The following SEMA4B variants were observed in gnomAD, a reference collection of about 807,000 sequenced individuals.
The protein encoded by SEMA4B is semaphorin 4B.
Under a neutral mutation model 88.1 loss-of-function variants are expected in SEMA4B, and 55 were observed. The observed-to-expected ratio is 0.62, with a 90% CI of 0.50 to 0.78. The LOEUF (loss-of-function observed/expected upper bound fraction) is 0.78, where lower values mean the gene tolerates loss of function less well. Among genes scored for constraint, SEMA4B ranks in the 30% least tolerant of loss-of-function variants. The pLI is 0.00. For missense variants in SEMA4B, 1,062 were observed against 1,111.9 expected, an observed-to-expected ratio of 0.96 and a Z score of 0.64; for synonymous variants, 525 against 473.6, an observed-to-expected ratio of 1.11 and a Z score of -1.41.
chr15:90,202,205 C>T (rs1960780041), intron 1 of SEMA4B, among the ~76,000 whole-genome samples: 1 of 152,278 alleles, frequency 6.6e-6, no homozygotes, highest in Non-Finnish European at 1.5e-5. Flanking sequence ...GATCCTCCCT[C>T]TCCGCCCCTC....
chr15:90,225,195 C>A lies in SEMA4B; in HGVS notation c.1405+17C>A. ...TGGGCACTGGTAAGTGTCTGCAGCC[C>A]AGCAGGCTCAGGGGAAGGGGTGCAC... On this transcript the variant is annotated intron_variant, in intron 10 of 13. Coordinates refer to ENST00000411539, the MANE Select transcript of SEMA4B (RefSeq NM_198925.4). The A allele has an allele frequency of 1.9e-6, 3 of 1,575,988 alleles. 1 individual carries two copies. The highest frequency in any genetic ancestry group is 2.3e-5 in the South Asian group (2 of 87,356).
Position 90,225,100 on chromosome 15 carries a change from C to T in SEMA4B, c.1327C>T (p.Gln443Ter). Residue 443 changes from glutamine (Q) to a stop codon, truncating the protein, a stop_gained, in exon 10 of 14, where the codon CAG becomes TAG. Coordinates refer to ENST00000411539, the MANE Select transcript of SEMA4B (RefSeq NM_198925.4). LOFTEE classifies it high-confidence loss of function. The stretch of plus-strand genomic sequence containing the variant: ...AAGCCGCATGCTGCTGCTGCAGCCC[C>T]AGGCTCGCTACCAGCGCGTGGCTGT... ...VRSRMLLLQP[Q>*]ARYQRVAVHR... The T allele has an allele frequency of 6.2e-7, 1 of 1,613,750 alleles. No individual in the cohort carries two copies. Among genetic ancestry groups the T allele is most frequent in the Non-Finnish European group, 8.5e-7 (1 of 1,179,864 alleles).
chr15:90,223,868 CT>C lies in SEMA4B; in HGVS notation c.1075del (p.Cys359ValfsTer5), dbSNP rs1961999757. 1 of 1,613,874 alleles carries C rather than the reference CT, an allele frequency of 6.2e-7. No homozygotes were observed. The highest frequency in any genetic ancestry group is 1.1e-5 in the South Asian group (1 of 91,092). ...HRGTTEGSAVCVFTMKDVQRV... is the reference protein window; with the variant it reads ...HRGTTEGSAVXVFTMKDVQRV... Reference sequence around the variant, plus strand: ...GGGGAACTACAGAAGGCTCTGCCGTCTGTGTCTTCACAATGAAGGATGTGCA... The same window carrying C: ...GGGGAACTACAGAAGGCTCTGCCGTCGTGTCTTCACAATGAAGGATGTGCA... On this transcript the variant is annotated frameshift_variant, in exon 9 of 14. Transcript: ENST00000411539. LOFTEE classifies it high-confidence loss of function.
rs187732853 is a variant in SEMA4B, at chr15:90,228,879, G to C, written c.*236G>C. Reference sequence around the variant, plus strand: ...CTGGCCAAATATGGGGGCCTGCCTAGGTTGGTGGAACAGTGCTCCTTATGT... The same window carrying C: ...CTGGCCAAATATGGGGGCCTGCCTACGTTGGTGGAACAGTGCTCCTTATGT... On this transcript the variant is annotated 3_prime_UTR_variant, in exon 14 of 14. Transcript: ENST00000411539. 1.1e-4 allele frequency: 63 copies of C among 595,524 alleles called. No individual in the cohort carries two copies. Among genetic ancestry groups the C allele is most frequent in the African/African-American group, 9.5e-4 (51 of 53,778 alleles). The allele number at this position is 595,524 out of a possible 1,614,324, so 36.9% of individuals were successfully genotyped here. A position where few individuals can be genotyped will look rare whatever the true frequency, so the allele number is the denominator to read the frequency against.
Position 90,223,820 on chromosome 15 carries a change from T to G in SEMA4B, c.1044-18T>G. 1 of 1,612,508 alleles carries G rather than the reference T, an allele frequency of 6.2e-7. No homozygotes were observed. Among genetic ancestry groups the G allele is most frequent in the Non-Finnish European group, 8.5e-7 (1 of 1,178,704 alleles). ...GGCCCCCAGGGCTCCTGGGTTAATCTGGTTATTTCCTCTGCAGGCACAGGG... is the reference window on the plus strand; with the variant it reads ...GGCCCCCAGGGCTCCTGGGTTAATCGGGTTATTTCCTCTGCAGGCACAGGG... On this transcript the variant is annotated intron_variant, in intron 8 of 13. Transcript: ENST00000411539.
intron 12 of SEMA4B, among the ~76,000 whole-genome samples, chr15:90,226,422 C>G (rs1199829093): frequency 1.3e-5 from 2 of 152,182 alleles, no homozygotes; most frequent in African/African-American, 2.4e-5. Context: ...TTCACTGCAA[C>G]CTCCACGTCC....
intron 1 of SEMA4B, among the ~76,000 whole-genome samples, chr15:90,206,313 C>G (rs960388854): frequency 2.6e-5 from 4 of 152,182 alleles, no homozygotes; most frequent in African/African-American, 9.7e-5. Context: ...GTGGTCGAGG[C>G]CTGCCTTCCC....
rs901709266 is a variant in SEMA4B, at chr15:90,221,241, C to T, written c.596-126C>T. The T allele has an allele frequency of 2.6e-6, 3 of 1,148,664 alleles. No individual in the cohort carries two copies. In the East Asian group the frequency reaches 7.7e-5, roughly 30 times the overall value. 71.2% of individuals were successfully genotyped at this position (1,148,664 alleles called of 1,614,324 possible). On this transcript the variant is annotated intron_variant, in intron 5 of 13. Coordinates refer to ENST00000411539, the MANE Select transcript of SEMA4B (RefSeq NM_198925.4). The stretch of plus-strand genomic sequence containing the variant: ...GGGCTTGCCTTGGGTTTGGTTTTTC[C>T]AAGTTCCAGCTTCCTTCTCTGCCCA...
intron 11 of SEMA4B, 64 bp downstream of exon 11, chr15:90,225,461 A>G (rs761853661): frequency 1.4e-6 from 2 of 1,433,602 alleles, no homozygotes; most frequent in East Asian, 2.5e-5. Context: ...AGCACCAAGC[A>G]GTCCCCACCC....
Position 90,221,010 on chromosome 15 carries a change from A to G in SEMA4B, c.512A>G (p.Asp171Gly). 2 of 1,610,064 alleles carry G rather than the reference A, an allele frequency of 1.2e-6. No individual in the cohort carries two copies. The highest frequency in any genetic ancestry group is 1.7e-6 in the Non-Finnish European group (2 of 1,178,236). Residue 171 changes from aspartate to glycine, a missense_variant, in exon 5 of 14, where the codon GAC becomes GGC. Transcript: ENST00000411539. Reference protein sequence around the residue: ...INMENFTLARDEKGNVLLEDG... With the variant: ...INMENFTLARGEKGNVLLEDG... Reference sequence around the variant, plus strand: ...ATGGAGAACTTCACCCTGGCAAGGGACGAGAAGGGGAATGTCCTCCTGGAA... The same window carrying G: ...ATGGAGAACTTCACCCTGGCAAGGGGCGAGAAGGGGAATGTCCTCCTGGAA...
chr15:90,214,346 A>G (rs1183751378), intron 1 of SEMA4B, among the ~76,000 whole-genome samples: 3 of 120,746 alleles, frequency 2.5e-5, no homozygotes, highest in Non-Finnish European at 3.4e-5. Flanking sequence ...AAAAAAAAAA[A>G]GGGCTGAGCT....
chr15:90,191,173 A>C (rs1960332526), intron 1 of SEMA4B, among the ~76,000 whole-genome samples: 1 of 152,188 alleles, frequency 6.6e-6, no homozygotes, highest in African/African-American at 2.4e-5. Flanking sequence ...CCTCCCAGGG[A>C]GTGGCCAGCT....
intron 1 of SEMA4B, among the ~76,000 whole-genome samples, chr15:90,211,428 C>T (rs1288677601): frequency 1.3e-5 from 2 of 152,310 alleles, no homozygotes; most frequent in African/African-American, 4.8e-5. Flanking sequence ...ACCCTTGGCA[C>T]ACAATACCCC....
chr15:90,201,405 G>T lies in SEMA4B; in HGVS notation c.-174G>T. On this transcript the variant is annotated 5_prime_UTR_variant, in exon 1 of 14. Coordinates refer to ENST00000411539, the MANE Select transcript of SEMA4B (RefSeq NM_198925.4). ...GGAGGACTGCGGTGCCCCGCGGAGG[G>T]GCTGAGTTTGCCAGGGCCCACTTGA... The T allele has an allele frequency of 7.8e-7, 1 of 1,283,302 alleles. No homozygotes were observed. The highest frequency in any genetic ancestry group is 9.8e-7 in the Non-Finnish European group (1 of 1,017,214). The allele number at this position is 1,283,302 out of a possible 1,614,324, so 79.5% of individuals were successfully genotyped here.
At chr15:90,185,300 C>T (rs1434964849) in intron 1 of SEMA4B, among the ~76,000 whole-genome samples, 2 of 152,234 alleles carry the variant, frequency 1.3e-5, no homozygotes, top group Non-Finnish European at 2.9e-5. Context: ...CCCGCGTTCC[C>T]ATGGCCACCG....
Position 90,223,760 on chromosome 15 carries a change from C to A in SEMA4B, c.1043+20C>A. ...CCAGTGGTAGGGCCTCCAGACCTCG[C>A]TGGAGATGGAAGGGTGAAGGGTGGC... On this transcript the variant is annotated intron_variant, in intron 8 of 13. Transcript: ENST00000411539. 6.2e-7 allele frequency: 1 copy of A among 1,603,296 alleles called. No individual in the cohort carries two copies. Among genetic ancestry groups the A allele is most frequent in the Non-Finnish European group, 8.5e-7 (1 of 1,171,736 alleles).
upstream of SEMA4B, among the ~76,000 whole-genome samples, chr15:90,198,119 C>T (rs527739870): frequency 8.0e-5 from 12 of 150,818 alleles, no homozygotes; most frequent in South Asian, 1.9e-3. Flanking sequence ...TTATTAGAGA[C>T]GGGGTTTCAC....
Position 90,204,575 on chromosome 15 carries a change from G to A in SEMA4B, c.157+2840G>A, listed in dbSNP as rs78703387. Among the ~76,000 whole-genome samples, 532 of 152,258 alleles carry A rather than the reference G, an allele frequency of 3.5e-3. 3 individuals are homozygous for A. Among genetic ancestry groups the A allele is most frequent in the African/African-American group, 0.011 (449 of 41,544 alleles). On this transcript the variant is annotated intron_variant, in intron 1 of 13. Coordinates refer to ENST00000411539, the MANE Select transcript of SEMA4B (RefSeq NM_198925.4). ...AAAGGAACACTTCAAAGAAGTGTGT[G>A]GAATTTGGGTTCTCTTGCGTTGGAA...
At chr15:90,222,862 C>G (rs1961930633) in intron 7 of SEMA4B, among the ~76,000 whole-genome samples, 1 of 127,422 alleles carries the variant, frequency 7.8e-6, no homozygotes, top group Non-Finnish European at 1.7e-5. Flanking sequence ...GTTATTACCC[C>G]ACCACCCCAG....
Sources: gnomAD v4.1 joint callset for allele counts (sites outside exome capture counted in the v4.1 genomes callset) on GRCh38, gnomAD v4.1.1 for gene constraint, MANE v1.5 for transcripts, NCBI Gene and HGNC (gene_info 2026-07-23, HGNC 2026-07-21) for gene names.